Variants in RASA1 observed in about 807,000 individuals in gnomAD.
RASA1 encodes RAS p21 protein activator 1, also known as ras GTPase-activating protein 1.
Under a neutral mutation model 132.2 loss-of-function variants are expected in RASA1, and 25 were observed. The observed-to-expected ratio is 0.19, with a 90% CI of 0.14 to 0.26. The LOEUF is 0.26. Ranked by LOEUF, RASA1 falls within the 10% of genes least tolerant of loss-of-function variation. The probability of loss-of-function intolerance (pLI) is 1.00; values close to 1 mark genes in which losing one functional copy is unlikely to be tolerated. For synonymous variants in RASA1, 477 were observed against 449.9 expected, an observed-to-expected ratio of 1.06 and a Z score of -0.76; for missense variants, 964 against 1,299.2, an observed-to-expected ratio of 0.74 and a Z score of 3.97.
At chr5:87,375,312 G>T (rs773251401) in intron 15 of RASA1, among the ~76,000 whole-genome samples, 5 of 151,810 alleles carry the variant, frequency 3.3e-5, no homozygotes, top group Non-Finnish European at 5.9e-5. Context: ...TCAGGCTGCA[G>T]TGCAGTGGTG....
chr5:87,330,346 T>C (rs1399383292), intron 1 of RASA1, among the ~76,000 whole-genome samples: 1 of 152,112 alleles, frequency 6.6e-6, no homozygotes, highest in Non-Finnish European at 1.5e-5. Flanking sequence ...TTATTACACA[T>C]ATAAGATTAC....
chr5:87,296,793 G>A (rs781409917), intron 1 of RASA1, among the ~76,000 whole-genome samples: 1 of 152,072 alleles, frequency 6.6e-6, no homozygotes, highest in Non-Finnish European at 1.5e-5. Context: ...TAGGTTTTTA[G>A]GGGCCTCAGT....
chr5:87,333,744 T>C (rs1308100673), intron 4 of RASA1, among the ~76,000 whole-genome samples: 1 of 152,142 alleles, frequency 6.6e-6, no homozygotes, highest in Non-Finnish European at 1.5e-5. Flanking sequence ...ACATGTTAGT[T>C]TGTGGTTTTA....
At chr5:87,341,435 T>A in intron 6 of RASA1, 114 bp downstream of exon 6, 2 of 565,942 alleles carry the variant, frequency 3.5e-6, no homozygotes, top group Non-Finnish European at 5.4e-6. Context: ...ACTTAACTTT[T>A]AAATTTGGCT....
intron 1 of RASA1, among the ~76,000 whole-genome samples, chr5:87,327,353 T>G (rs2112354439): frequency 6.6e-6 from 1 of 152,338 alleles, no homozygotes; most frequent in East Asian, 1.9e-4. Context: ...TTCATTTTTG[T>G]ATTTTTCTTT....
At chr5:87,289,632 A>G (rs984649430) in intron 1 of RASA1, among the ~76,000 whole-genome samples, 26 of 152,026 alleles carry the variant, frequency 1.7e-4, no homozygotes, top group Admixed American at 1.7e-3. Flanking sequence ...ATTTTTTCAG[A>G]CAAGGTCTTG....
intron 1 of RASA1, among the ~76,000 whole-genome samples, chr5:87,298,412 CAAAAA>C (rs1255095778): frequency 5.1e-5 from 3 of 58,904 alleles, no homozygotes; most frequent in Admixed American, 2.0e-4. Flanking sequence ...GACTCTGTCT[CAAAAA>C]AAAAAAAAAA....
chr5:87,330,915 TA>T, intron 1 of RASA1: 1 of 1,372,590 alleles, frequency 7.3e-7, no homozygotes, highest in South Asian at 1.7e-5. Flanking sequence ...TAAAATGGAA[TA>T]AAACATTTTA....
At chr5:87,311,179 A>AC (rs1242177079) in intron 1 of RASA1, among the ~76,000 whole-genome samples, 1 of 152,176 alleles carries the variant, frequency 6.6e-6, no homozygotes, top group Admixed American at 6.5e-5. Context: ...AAAATAGCTG[A>AC]CAAACTATGG....
intron 1 of RASA1, among the ~76,000 whole-genome samples, chr5:87,327,981 AAG>A (rs763164073): frequency 1.3e-5 from 2 of 152,036 alleles, no homozygotes; most frequent in Non-Finnish European, 2.9e-5. Context: ...AAAAAAAAAA[AAG>A]AGAGAGAACT....
chr5:87,315,625 G>A (rs1756270133), intron 1 of RASA1, among the ~76,000 whole-genome samples: 1 of 152,170 alleles, frequency 6.6e-6, no homozygotes, highest in Non-Finnish European at 1.5e-5. Context: ...TCAACCTAGA[G>A]TAAATATAGA....
At chr5:87,278,508 T>G (rs1017469585) in intron 1 of RASA1, among the ~76,000 whole-genome samples, 1 of 151,898 alleles carries the variant, frequency 6.6e-6, no homozygotes, top group Non-Finnish European at 1.5e-5. Context: ...ATCATGCCAC[T>G]GCACTCCAGC....
chr5:87,302,628 G>A (rs1293610763), intron 1 of RASA1, among the ~76,000 whole-genome samples: 1 of 149,786 alleles, frequency 6.7e-6, no homozygotes, highest in Non-Finnish European at 1.5e-5. Flanking sequence ...CTATACTAAA[G>A]CATAGTATTC....
At chr5:87,309,045 G>T (rs540706785) in intron 1 of RASA1, among the ~76,000 whole-genome samples, 1 of 152,190 alleles carries the variant, frequency 6.6e-6, no homozygotes, top group African/African-American at 2.4e-5. Flanking sequence ...ATTAAAAAAG[G>T]TACTCTTTAA....
At chr5:87,322,708 C>T (rs1756919682) in intron 1 of RASA1, among the ~76,000 whole-genome samples, 1 of 152,180 alleles carries the variant, frequency 6.6e-6, no homozygotes, top group South Asian at 2.1e-4. Flanking sequence ...TTACCAATTA[C>T]CCAGTCTCAA....
chr5:87,271,402 T>C (rs914780879), intron 1 of RASA1, among the ~76,000 whole-genome samples: 12 of 150,916 alleles, frequency 8.0e-5, no homozygotes, highest in African/African-American at 2.9e-4. Flanking sequence ...ATAACTAAAT[T>C]AGGTATATTT....
At chr5:87,343,270 G>A (rs564713028) in intron 6 of RASA1, among the ~76,000 whole-genome samples, 3 of 152,174 alleles carry the variant, frequency 2.0e-5, no homozygotes, top group South Asian at 2.1e-4. Flanking sequence ...AATGTTTACC[G>A]CCTTCTCAAA....
intron 24 of RASA1, among the ~76,000 whole-genome samples, 173 bp from the exon 25 acceptor site, chr5:87,390,626 GA>G (rs1242225543): frequency 6.6e-6 from 1 of 152,084 alleles, no homozygotes; most frequent in Non-Finnish European, 1.5e-5. Flanking sequence ...TCTTAGTTAT[GA>G]CCAGAAATAC....
intron 1 of RASA1, among the ~76,000 whole-genome samples, chr5:87,328,495 A>G (rs1757394057): frequency 6.6e-6 from 1 of 152,212 alleles, no homozygotes; most frequent in Non-Finnish European, 1.5e-5. Context: ...AAAGTGTAGC[A>G]TTTTTAAAAA....
Sources: allele counts gnomAD v4.1 joint callset (sites outside exome capture counted in the v4.1 genomes callset), GRCh38; gene constraint gnomAD v4.1.1; transcripts MANE v1.5; gene names NCBI Gene and HGNC (gene_info 2026-07-23, HGNC 2026-07-21).